The following RESF1 variants were observed in gnomAD, a reference collection of about 807,000 sequenced individuals.
The protein encoded by RESF1 is gonad expressed transcript.
Under a neutral mutation model 134.7 loss-of-function variants are expected in RESF1, and 65 were observed. The observed-to-expected ratio is 0.48, with a 90% CI of 0.40 to 0.59. The LOEUF (loss-of-function observed/expected upper bound fraction) is 0.59. RESF1 is among the 20% of genes least tolerant of loss of function. RESF1 has a pLI of 0.00. For synonymous variants in RESF1, 762 were observed against 702.2 expected, an observed-to-expected ratio of 1.09 and a Z score of -1.35; for missense variants, 2,274 against 2,002.7, an observed-to-expected ratio of 1.14 and a Z score of -2.59.
intron 3 of RESF1, among the ~76,000 whole-genome samples, chr12:31,977,237 G>A (rs1403398125): frequency 3.9e-5 from 6 of 152,194 alleles, no homozygotes; most frequent in South Asian, 4.1e-4. Flanking sequence ...CTTGAGTGCG[G>A]TGGTGCGACC....
At chr12:31,980,499 T>G (rs1939755624) in intron 3 of RESF1, among the ~76,000 whole-genome samples, 1 of 152,262 alleles carries the variant, frequency 6.6e-6, no homozygotes, top group Non-Finnish European at 1.5e-5. Context: ...AGAATGTTTT[T>G]AACCATATGT....
chr12:31,964,778 G>A (rs766511110), intron 2 of RESF1, among the ~76,000 whole-genome samples: 17 of 152,020 alleles, frequency 1.1e-4, no homozygotes, highest in Non-Finnish European at 2.1e-4. Flanking sequence ...AAAACTTTTG[G>A]CCTTAAATTT....
At chr12:31,972,019 A>G (rs1939519478) in intron 3 of RESF1, among the ~76,000 whole-genome samples, 1 of 152,200 alleles carries the variant, frequency 6.6e-6, no homozygotes, top group South Asian at 2.1e-4. Context: ...CGGAAAGGAT[A>G]GAGTTTAGAA....
intron 5 of RESF1, among the ~76,000 whole-genome samples, chr12:31,987,598 C>T (rs1940004433): frequency 6.6e-6 from 1 of 152,110 alleles, no homozygotes; most frequent in African/African-American, 2.4e-5. Context: ...TAGGACCAGA[C>T]AGCAAATACT....
intron 3 of RESF1, among the ~76,000 whole-genome samples, chr12:31,971,684 C>CT (rs1565839558): frequency 6.6e-6 from 1 of 152,124 alleles, no homozygotes; most frequent in Non-Finnish European, 1.5e-5. Context: ...TGATAAATGT[C>CT]TTTTTTGTAT....
Position 31,981,901 on chromosome 12 carries a change from A to T in RESF1, c.946A>T (p.Ile316Leu). Residue 316 changes from isoleucine (I) to leucine (L), a missense_variant, in exon 4 of 6, where the codon ATA (isoleucine) becomes TTA (leucine). By Grantham distance (5) the Ile-to-Leu change is conservative (BLOSUM62 2). Transcript: ENST00000312561. Reference sequence around the variant, plus strand: ...GAGTCGAGAAATGCTGTCATCTGAAATAAGGACCAGCTTTCAACAGCAGTG... The same window carrying T: ...GAGTCGAGAAATGCTGTCATCTGAATTAAGGACCAGCTTTCAACAGCAGTG... Reference protein sequence around the residue: ...PQSREMLSSEIRTSFQQQWQN... With the variant: ...PQSREMLSSELRTSFQQQWQN... 6.2e-7 allele frequency: 1 copy of T among 1,614,222 alleles called. No individual in the cohort carries two copies. Among genetic ancestry groups the T allele is most frequent in the Non-Finnish European group, 8.5e-7 (1 of 1,180,036 alleles).
At position 31,972,424 on chromosome 12, in the gene RESF1, G is replaced by C. The variant is rs189173265; in HGVS notation, c.-79+2068G>C. 4.7e-3 allele frequency among the ~76,000 whole-genome samples: 711 copies of C among 151,906 alleles called. 6 individuals carry two copies. Among genetic ancestry groups the C allele is most frequent in the Non-Finnish European group, 4.4e-3 (300 of 67,984 alleles). On this transcript the variant is annotated intron_variant, in intron 3 of 5. Coordinates refer to ENST00000312561, the MANE Select transcript of RESF1 (RefSeq NM_018169.4). ...GATCGAGACCATCCTGGCTAACATG[G>C]TGAAACCCTGTCTCTACTAAAAATA...
chr12:31,980,986 A>T lies in RESF1; in HGVS notation c.31A>T (p.Thr11Ser). Residue 11 changes from threonine to serine, a missense_variant, in exon 4 of 6, where the codon ACA becomes TCA. By Grantham distance (58) the Thr-to-Ser change is moderately conservative. Transcript: ENST00000312561. Reference protein sequence around the residue: MNWNEKPKSATLPPLYPKSQP... With the variant: MNWNEKPKSASLPPLYPKSQP... ...TTGGAATGAAAAACCAAAGAGTGCT[A>T]CATTACCACCACTGTATCCTAAAAG... 1.9e-6 allele frequency: 3 copies of T among 1,611,710 alleles called. No individual in the cohort carries two copies. Among genetic ancestry groups the T allele is most frequent in the Non-Finnish European group, 2.5e-6 (3 of 1,178,892 alleles).
At position 31,987,330 on chromosome 12, in the gene RESF1, C is replaced by T. The variant is rs766858524; in HGVS notation, c.5086+8C>T. 6.5e-6 allele frequency: 10 copies of T among 1,546,056 alleles called. No individual in the cohort carries two copies. Among genetic ancestry groups the T allele is most frequent in the Admixed American group, 5.2e-5 (3 of 57,360 alleles). ...AAGACAGCCAAGAGAGAGGTAAAGTCATCTTTTTAAATCTTCATTCACTTA... is the reference window on the plus strand; with the variant it reads ...AAGACAGCCAAGAGAGAGGTAAAGTTATCTTTTTAAATCTTCATTCACTTA... On this transcript the variant is annotated splice_region_variant and intron_variant, in intron 5 of 5. Transcript: ENST00000312561.
chr12:31,960,012 C>G (rs1939222314), intron 1 of RESF1: 2 of 151,672 alleles, frequency 1.3e-5, no homozygotes, highest in African/African-American at 4.9e-5. Context: ...CCCCGGCCCT[C>G]TTAAGCCGAA....
chr12:31,972,946 A>G (rs760685609), intron 3 of RESF1, among the ~76,000 whole-genome samples: 1 of 151,908 alleles, frequency 6.6e-6, no homozygotes, highest in Non-Finnish European at 1.5e-5. Flanking sequence ...ATTTTGCATA[A>G]ATGAGTATTT....
intron 1 of RESF1, among the ~76,000 whole-genome samples, chr12:31,960,378 G>T (rs1939233134): frequency 6.6e-6 from 1 of 152,148 alleles, no homozygotes; most frequent in South Asian, 2.1e-4. Context: ...TTTGGGGATT[G>T]CATTTTTCTG....
At chr12:31,963,664 A>G (rs1029091338) in intron 2 of RESF1, among the ~76,000 whole-genome samples, 6 of 152,224 alleles carry the variant, frequency 3.9e-5, no homozygotes, top group Non-Finnish European at 7.3e-5. Flanking sequence ...CACCACGTCA[A>G]TTTAAGAATA....
In RESF1 at chr12:31,985,867, T is replaced by C. The variant is rs1472684666; in HGVS notation, c.4912T>C (p.Cys1638Arg). The C allele has an allele frequency of 6.4e-7, 1 of 1,552,876 alleles. No individual in the cohort carries two copies. Among genetic ancestry groups the C allele is most frequent in the East Asian group, 2.3e-5 (1 of 44,166 alleles). The change falls in exon 4 of 6, where the codon TGT (cysteine) becomes CGT (arginine). Residue 1638 changes from cysteine to arginine, a missense_variant. Physicochemically the swap from Cys to Arg is radical, Grantham distance 180. Transcript: ENST00000312561. ...ATCAAACATGCTGGAGTTTAAATTATGTCCAGATATCTTACTAAAGAATAC... is the reference window on the plus strand; with the variant it reads ...ATCAAACATGCTGGAGTTTAAATTACGTCCAGATATCTTACTAAAGAATAC... ...EKSNMLEFKLCPDILLKNTNS... is the reference protein window; with the variant it reads ...EKSNMLEFKLRPDILLKNTNS...
At chr12:31,962,747 G>C (rs1225765541) in intron 2 of RESF1, among the ~76,000 whole-genome samples, 1 of 152,204 alleles carries the variant, frequency 6.6e-6, no homozygotes. Context: ...AAACCATAAG[G>C]TGATTATTAT....
At chr12:31,964,197 A>C (rs973538995) in intron 2 of RESF1, among the ~76,000 whole-genome samples, 4 of 135,208 alleles carry the variant, frequency 3.0e-5, no homozygotes, top group African/African-American at 1.1e-4. Context: ...GTATAGGTAA[A>C]GTTGTGTCAT....
chr12:31,973,026 T>C (rs1565840246), intron 3 of RESF1, among the ~76,000 whole-genome samples: 1 of 152,186 alleles, frequency 6.6e-6, no homozygotes. Flanking sequence ...TTTCACTGTA[T>C]TTTTTGTAAC....
chr12:31,984,279 A>G lies in RESF1; in HGVS notation c.3324A>G (p.Ile1108Met), dbSNP rs1326159893. 10 of 1,613,820 alleles carry G rather than the reference A, an allele frequency of 6.2e-6. No individual in the cohort carries two copies. The African/African-American group carries it at 8.0e-5, about 13-fold the overall frequency. ...KDPADQIQIT[I>M]LSSEQMKEIF... is the part of the protein sequence containing the mutation. ...CAGCAGATCAAATACAAATTACAAT[A>G]TTAAGCTCAGAGCAAATGAAAGAAA... The change falls in exon 4 of 6, where the codon ATA (isoleucine) becomes ATG (methionine). Residue 1108 changes from isoleucine to methionine, a missense_variant. Ile to Met is a conservative substitution (Grantham distance 10). Coordinates refer to ENST00000312561, the MANE Select transcript of RESF1 (RefSeq NM_018169.4).
At chr12:31,962,220 TAAAAAAA>T (rs33954876) in intron 2 of RESF1, among the ~76,000 whole-genome samples, 5 of 132,652 alleles carry the variant, frequency 3.8e-5, no homozygotes, top group Non-Finnish European at 8.2e-5. Context: ...TCTGTCTTTT[TAAAAAAA>T]AAAAAAAAAA....
Sources: gnomAD v4.1 joint callset for allele counts (sites outside exome capture counted in the v4.1 genomes callset) on GRCh38, gnomAD v4.1.1 for gene constraint, MANE v1.5 for transcripts, NCBI Gene and HGNC (gene_info 2026-07-23, HGNC 2026-07-21) for gene names.